CFAP77: variants seen among roughly 807,000 people sequenced by gnomAD.
CFAP77 encodes the protein cilia and flagella associated protein 77.
A neutral mutation model predicts 31.1 loss-of-function variants in CFAP77; 25 were observed. The ratio of observed to expected loss-of-function variants is 0.80; its 90% CI spans 0.59 to 1.12. CFAP77 has a LOEUF of 1.12. CFAP77 is among the 50% of genes most tolerant of loss of function. The pLI is 0.00. For missense variants in CFAP77, 377 were observed against 397.3 expected (o/e 0.95, Z 0.44); for synonymous variants, 151 against 159.9 (o/e 0.94, Z 0.42).
intron 5 of CFAP77, among the ~76,000 whole-genome samples, chr9:132,551,704 G>A (rs1430368066): frequency 1.3e-5 from 2 of 152,216 alleles, no homozygotes; most frequent in Non-Finnish European, 2.9e-5. Flanking sequence ...GCTAAGGCTC[G>A]GAAGCTTAAA....
At chr9:132,510,161 A>G (rs1362346833) in intron 3 of CFAP77, among the ~76,000 whole-genome samples, 2 of 152,122 alleles carry the variant, frequency 1.3e-5, no homozygotes, top group Non-Finnish European at 2.9e-5. Flanking sequence ...AACCCCATCC[A>G]TCAGGAGCAG....
intron 1 of CFAP77, among the ~76,000 whole-genome samples, chr9:132,440,973 G>A (rs1020548225): frequency 3.9e-5 from 6 of 152,126 alleles, no homozygotes; most frequent in African/African-American, 1.4e-4. Flanking sequence ...AATAGCTGTT[G>A]AGTGACAGTC....
At chr9:132,469,605 A>C (rs930124915) in intron 1 of CFAP77, among the ~76,000 whole-genome samples, 1 of 152,158 alleles carries the variant, frequency 6.6e-6, no homozygotes, top group African/African-American at 2.4e-5. Flanking sequence ...AAGTCCATGC[A>C]TCACTTATGG....
At chr9:132,489,331 C>A (rs757816354) in intron 1 of CFAP77, among the ~76,000 whole-genome samples, 8 of 152,132 alleles carry the variant, frequency 5.3e-5, no homozygotes, top group Non-Finnish European at 1.2e-4. Context: ...GATACCATGG[C>A]CTCCCTTGCA....
chr9:132,557,278 G>A (rs1436692043), intron 5 of CFAP77, among the ~76,000 whole-genome samples: 1 of 152,178 alleles, frequency 6.6e-6, no homozygotes, highest in Non-Finnish European at 1.5e-5. Flanking sequence ...GGGCCCAGGT[G>A]TTTCAAAGAG....
chr9:132,522,727 G>C (rs1214850455), intron 3 of CFAP77, among the ~76,000 whole-genome samples: 1 of 152,204 alleles, frequency 6.6e-6, no homozygotes, highest in Non-Finnish European at 1.5e-5. Flanking sequence ...GGTAGGGCTG[G>C]GTTCTGCCCA....
At chr9:132,541,128 A>C (rs531559294) in intron 4 of CFAP77, among the ~76,000 whole-genome samples, 1 of 152,304 alleles carries the variant, frequency 6.6e-6, no homozygotes, top group Admixed American at 6.5e-5. Flanking sequence ...CACAGACCTC[A>C]GTGTCCTCCT....
At chr9:132,449,503 C>T (rs1396331853) in intron 1 of CFAP77, among the ~76,000 whole-genome samples, 2 of 151,938 alleles carry the variant, frequency 1.3e-5, no homozygotes, top group Non-Finnish European at 2.9e-5. Context: ...CATGTTGTGG[C>T]CTATAGCAGT....
At chr9:132,478,045 C>T (rs962578107) in intron 1 of CFAP77, among the ~76,000 whole-genome samples, 5 of 152,100 alleles carry the variant, frequency 3.3e-5, no homozygotes, top group African/African-American at 1.2e-4. Flanking sequence ...TTCTCGTCTA[C>T]CCAACCTAAC....
intron 1 of CFAP77, among the ~76,000 whole-genome samples, chr9:132,486,469 G>C (rs1851560751): frequency 6.6e-6 from 1 of 152,124 alleles, no homozygotes; most frequent in Non-Finnish European, 1.5e-5. Context: ...GTTTCTGGGA[G>C]TTCCTTCCCC....
At chr9:132,550,519 CTT>C (rs766424349) in intron 5 of CFAP77, among the ~76,000 whole-genome samples, 3,502 of 102,568 alleles carry the variant, frequency 0.034, 66 homozygotes, top group African/African-American at 0.13. Flanking sequence ...TCCCTTGAAG[CTT>C]TTTTTTTTTT....
At chr9:132,420,687 C>T (rs1192895348) in intron 1 of CFAP77, among the ~76,000 whole-genome samples, 1 of 151,130 alleles carries the variant, frequency 6.6e-6, no homozygotes, top group East Asian at 2.0e-4. Context: ...AAAAGAAGAA[C>T]AGAACAATAA....
Position 132,424,597 on chromosome 9 carries a change from G to A in CFAP77, c.195+14131G>A, listed in dbSNP as rs1330029604. ...GGAGGAAGCACACTACCAAGAAGGCGGCAGAGGGAGGTTCCTGGGAAAGGG... is the reference window on the plus strand; with the variant it reads ...GGAGGAAGCACACTACCAAGAAGGCAGCAGAGGGAGGTTCCTGGGAAAGGG... On this transcript the variant is annotated intron_variant, in intron 1 of 5. Coordinates refer to ENST00000393216, the MANE Select transcript of CFAP77 (RefSeq NM_001282957.2). This position sits in a 1 kb window ranked among gnomAD's most constrained non-coding sequence, Gnocchi z 4.1. Among the ~76,000 whole-genome samples, 1 of 152,178 alleles carries A rather than the reference G, an allele frequency of 6.6e-6. No homozygotes were observed. The highest frequency in any genetic ancestry group is 1.5e-5 in the Non-Finnish European group (1 of 68,034).
intron 1 of CFAP77, among the ~76,000 whole-genome samples, chr9:132,472,665 G>C (rs1435674328): frequency 1.3e-5 from 2 of 152,184 alleles, no homozygotes; most frequent in African/African-American, 4.8e-5. Context: ...TATGCAGGAG[G>C]CTGTGGCGGG....
chr9:132,533,631 C>T (rs538260567), intron 3 of CFAP77, among the ~76,000 whole-genome samples: 2 of 152,304 alleles, frequency 1.3e-5, no homozygotes, highest in East Asian at 3.9e-4. Flanking sequence ...CTTGTAATCC[C>T]AGCACTTTGG....
intron 1 of CFAP77, among the ~76,000 whole-genome samples, chr9:132,453,913 G>A (rs1388866019): frequency 6.6e-6 from 1 of 152,188 alleles, no homozygotes; most frequent in Non-Finnish European, 1.5e-5. Context: ...GAGGACATTT[G>A]TTTTAACAGA....
intron 3 of CFAP77, among the ~76,000 whole-genome samples, chr9:132,514,662 C>A (rs142649795): frequency 2.6e-5 from 4 of 152,184 alleles, no homozygotes; most frequent in Non-Finnish European, 4.4e-5. Flanking sequence ...AGTGTTAACA[C>A]GTTGCAAATG....
chr9:132,436,297 C>T lies in CFAP77; in HGVS notation c.195+25831C>T, dbSNP rs75905605. ...ACTCTGATCTCTGCCTCTGTGGTCA[C>T]GTGGCCTCTCTCCTGTGTCTTCTCA... On this transcript the variant is annotated intron_variant, in intron 1 of 5. Transcript: ENST00000393216. Among the ~76,000 whole-genome samples the T allele has an allele frequency of 9.2e-4, 140 of 152,244 alleles. 1 individual carries two copies. Among genetic ancestry groups the T allele is most frequent in the African/African-American group, 2.9e-3 (122 of 41,540 alleles).
At chr9:132,556,934 G>A (rs1368408572) in intron 5 of CFAP77, among the ~76,000 whole-genome samples, 2 of 152,132 alleles carry the variant, frequency 1.3e-5, no homozygotes, top group Non-Finnish European at 2.9e-5. Context: ...CGTCTCCTTC[G>A]CCACGCCAGG....
Sources: gnomAD v4.1 joint callset for allele counts (sites outside exome capture counted in the v4.1 genomes callset) on GRCh38, gnomAD v4.1.1 for gene constraint, Gnocchi (gnomAD v3.1) non-coding constraint, MANE v1.5 for transcripts, NCBI Gene and HGNC (gene_info 2026-07-23, HGNC 2026-07-21) for gene names.